Variants in PTPN9 observed in about 807,000 individuals in gnomAD.
PTPN9 encodes tyrosine-protein phosphatase non-receptor type 9.
A neutral mutation model predicts 69.8 loss-of-function variants in PTPN9; 26 were observed. That is an observed-to-expected ratio of 0.37 (90% CI 0.27 to 0.52). PTPN9 has a LOEUF of 0.52. PTPN9 is among the 20% of genes least tolerant of loss of function. The pLI is 0.91. For missense variants in PTPN9, 549 were observed against 740.3 expected, an observed-to-expected ratio of 0.74 and a Z score of 3.00; for synonymous variants, 274 against 272.5, an observed-to-expected ratio of 1.01 and a Z score of -0.05.
intron 7 of PTPN9, among the ~76,000 whole-genome samples, chr15:75,504,688 TG>T (rs1218216741): frequency 1.7e-5 from 2 of 118,694 alleles, no homozygotes; most frequent in East Asian, 2.8e-4. Flanking sequence ...GGGAGGGAGG[TG>T]GGGGGGTCAG....
intron 4 of PTPN9, among the ~76,000 whole-genome samples, chr15:75,518,748 C>CAG (rs1483851856): frequency 1.3e-5 from 2 of 149,850 alleles, no homozygotes; most frequent in East Asian, 4.0e-4. Context: ...GCCCAAGAGG[C>CAG]AGAGGTTGCA....
chr15:75,473,899 C>A, intron 9 of PTPN9, 132 bp from the exon 10 acceptor site: 1 of 680,790 alleles, frequency 1.5e-6, no homozygotes, highest in Middle Eastern at 3.9e-4. Context: ...CTTTCCACAT[C>A]CCTGCTATTC....
chr15:75,508,880 A>T (rs374441758), intron 6 of PTPN9, 37 bp downstream of exon 6: 133 of 1,442,702 alleles, frequency 9.2e-5, no homozygotes, highest in Middle Eastern at 1.7e-4. Context: ...CACTGTATCT[A>T]TTCACCTCCA....
In PTPN9 at chr15:75,571,278, CAAT is replaced by C. The variant is rs368764714; in HGVS notation, c.63+7433_63+7435del. Among the ~76,000 whole-genome samples, 49 of 152,064 alleles carry C rather than the reference CAAT, an allele frequency of 3.2e-4. 1 individual carries two copies. Among genetic ancestry groups the C allele is most frequent in the East Asian group, 2.3e-3 (12 of 5,172 alleles). ...GTCTCAAAAAGAAAAAAACAAAAAA[CAAT>C]GATGAATATCATAATAATGGCTAAC... On this transcript the variant is annotated intron_variant, in intron 1 of 12. Coordinates refer to ENST00000618819, the MANE Select transcript of PTPN9 (RefSeq NM_002833.4).
At chr15:75,540,866 C>T (rs1189900767) in intron 1 of PTPN9, among the ~76,000 whole-genome samples, 2 of 151,232 alleles carry the variant, frequency 1.3e-5, no homozygotes, top group Non-Finnish European at 2.9e-5. Context: ...TCGCTTGAGC[C>T]CAGGAGTTTG....
At chr15:75,557,064 T>A (rs758493421) in intron 1 of PTPN9, among the ~76,000 whole-genome samples, 5 of 152,328 alleles carry the variant, frequency 3.3e-5, no homozygotes, top group Non-Finnish European at 7.4e-5. Context: ...CCATTATATG[T>A]ATATACACCA....
chr15:75,534,365 T>C (rs1218770896), intron 1 of PTPN9, among the ~76,000 whole-genome samples: 1 of 152,136 alleles, frequency 6.6e-6, no homozygotes. Context: ...TACAAAACCA[T>C]ACATTTAAAC....
intron 1 of PTPN9, among the ~76,000 whole-genome samples, chr15:75,529,298 T>C (rs2074944782): frequency 6.6e-6 from 1 of 152,132 alleles, no homozygotes; most frequent in Admixed American, 6.6e-5. Flanking sequence ...AATAATTTTT[T>C]TGTAGGCATT....
intron 5 of PTPN9, among the ~76,000 whole-genome samples, chr15:75,516,741 C>CTTTT (rs34906409): frequency 1.0e-4 from 9 of 87,936 alleles, no homozygotes; most frequent in South Asian, 4.2e-4. Context: ...TGTTCCTGTG[C>CTTTT]TTTTTTTTTT....
At chr15:75,515,630 G>A (rs2074865746) in intron 5 of PTPN9, among the ~76,000 whole-genome samples, 1 of 151,974 alleles carries the variant, frequency 6.6e-6, no homozygotes. Flanking sequence ...AGGCGCAGTG[G>A]CTCACGCCTG....
chr15:75,507,823 T>C (rs1355484684), intron 6 of PTPN9, among the ~76,000 whole-genome samples: 1 of 151,742 alleles, frequency 6.6e-6, no homozygotes, highest in Non-Finnish European at 1.5e-5. Flanking sequence ...GGTGGGCGGA[T>C]CATGAGGTCA....
At chr15:75,509,229 T>C (rs1271875723) in intron 5 of PTPN9, among the ~76,000 whole-genome samples, 1 of 152,226 alleles carries the variant, frequency 6.6e-6, no homozygotes, top group African/African-American at 2.4e-5. Flanking sequence ...AAAATAACAA[T>C]GTTAAGTTCT....
At position 75,468,776 on chromosome 15, in the gene PTPN9, C is replaced by T; in HGVS notation, c.1775G>A (p.Ser592Asn). The change falls in exon 13 of 13, where the codon AGT becomes AAT. Residue 592 changes from serine to asparagine, a missense_variant. Ser to Asn is a conservative substitution (Grantham distance 46). Around this residue, in one of 3 missense-constraint regions of PTPN9, gnomAD observed 30 missense variants for 24.8 expected, o/e 1.21. Transcript: ENST00000618819. ...AGGAGGTTCGTAGGAGAGTTACTGA[C>T]TCTCCACGGCCAGCAGGTTTTGGCC... is the stretch of plus-strand genomic sequence containing the variant. The part of the protein sequence containing the change: ...SSGQNLLAVE[S>N]Q 1 of 1,613,684 alleles carries T rather than the reference C, an allele frequency of 6.2e-7. No homozygotes were observed. Among genetic ancestry groups the T allele is most frequent in the Non-Finnish European group, 8.5e-7 (1 of 1,179,854 alleles).
At chr15:75,541,560 C>T (rs1567513637) in intron 1 of PTPN9, among the ~76,000 whole-genome samples, 1 of 151,498 alleles carries the variant, frequency 6.6e-6, no homozygotes, top group African/African-American at 2.4e-5. Flanking sequence ...GTGCGCGCCA[C>T]CATGCCTGGC....
At chr15:75,487,732 ATCT>A (rs2074686832) in intron 8 of PTPN9, 1 of 152,200 alleles carries the variant, frequency 6.6e-6, no homozygotes, top group African/African-American at 2.4e-5. Context: ...CTGCAGGAAA[ATCT>A]TCTCCAAGGG....
chr15:75,480,814 G>T, intron 8 of PTPN9: 1 of 613,728 alleles, frequency 1.6e-6, no homozygotes, highest in Non-Finnish European at 2.3e-6. Context: ...GACGGGCCCC[G>T]CGGGGCCCGA....
chr15:75,490,417 G>A (rs1385131701), intron 7 of PTPN9, 116 bp from the exon 8 acceptor site: 2 of 720,406 alleles, frequency 2.8e-6, no homozygotes, highest in Non-Finnish European at 4.8e-6. Context: ...AGACATGGAA[G>A]CTTTTCAATT....
chr15:75,493,179 C>CA (rs1395725083), intron 7 of PTPN9, among the ~76,000 whole-genome samples: 1 of 150,760 alleles, frequency 6.6e-6, no homozygotes, highest in East Asian at 2.0e-4. Context: ...AATAAACAAA[C>CA]AAAAAAACCC....
At chr15:75,537,482 G>A (rs1432168218) in intron 1 of PTPN9, among the ~76,000 whole-genome samples, 3 of 129,702 alleles carry the variant, frequency 2.3e-5, no homozygotes, top group Non-Finnish European at 3.1e-5. Flanking sequence ...GGCCAGGCTC[G>A]GTGGCTCACG....
Sources: gnomAD v4.1 joint callset for allele counts (sites outside exome capture counted in the v4.1 genomes callset) on GRCh38, gnomAD v4.1.1 for gene constraint, gnomAD v4.1.1 regional missense constraint, MANE v1.5 for transcripts, NCBI Gene and HGNC (gene_info 2026-07-23, HGNC 2026-07-21) for gene names.